Variants in KSR2 observed in about 807,000 individuals in gnomAD.
KSR2 encodes kinase suppressor of ras 2.
A neutral mutation model predicts 107.8 loss-of-function variants in KSR2; 25 were observed. The ratio of observed to expected loss-of-function variants is 0.23; its 90% CI spans 0.17 to 0.32. The LOEUF (loss-of-function observed/expected upper bound fraction) is 0.32, where lower values mean the gene tolerates loss of function less well. KSR2 is among the 10% of genes least tolerant of loss of function. The probability of loss-of-function intolerance (pLI) is 1.00; values close to 1 mark genes in which losing one functional copy is unlikely to be tolerated. For synonymous variants in KSR2, 480 were observed against 507.0 expected (o/e 0.95, Z 0.71); for missense variants, 887 against 1,268.9 (o/e 0.70, Z 4.57).
chr12:117,523,542 G>C lies in KSR2; in HGVS notation c.2219+1310C>G, dbSNP rs1874906720. Reference sequence around the variant, plus strand: ...CTGGGAGAGGCCAGAGAGCAAATCTGAGAAAGTCCAAGAAACATTTTCGCA... The same window carrying C: ...CTGGGAGAGGCCAGAGAGCAAATCTCAGAAAGTCCAAGAAACATTTTCGCA... On this transcript the variant is annotated intron_variant, in intron 14 of 19. Coordinates refer to ENST00000339824, the MANE Select transcript of KSR2 (RefSeq NM_173598.6). 3.3e-5 allele frequency among the ~76,000 whole-genome samples: 5 copies of C among 152,154 alleles called. No homozygotes were observed. The South Asian group carries it at 1.0e-3, about 32-fold the overall frequency.
intron 1 of KSR2, among the ~76,000 whole-genome samples, chr12:117,873,556 G>T (rs562627322): frequency 4.7e-5 from 7 of 148,622 alleles, no homozygotes; most frequent in African/African-American, 1.8e-4. Flanking sequence ...CACCTCCCGG[G>T]TCCAAGCGAT....
chr12:117,877,040 G>T (rs1034762428), intron 1 of KSR2, among the ~76,000 whole-genome samples: 54 of 152,264 alleles, frequency 3.5e-4, no homozygotes, highest in African/African-American at 1.2e-3. Flanking sequence ...AAGTTTTTAT[G>T]TGTGGAATTT....
chr12:117,699,014 G>A (rs78833574), intron 4 of KSR2, among the ~76,000 whole-genome samples: 3,120 of 152,248 alleles, frequency 0.02, 69 homozygotes, highest in African/African-American at 0.051. Flanking sequence ...TCATCTAAAA[G>A]AGCAGCTCTC....
chr12:117,572,072 G>A (rs527387267), intron 7 of KSR2, among the ~76,000 whole-genome samples: 11 of 152,108 alleles, frequency 7.2e-5, no homozygotes, highest in South Asian at 2.1e-4. Flanking sequence ...ACCCATCTCC[G>A]CTCTCCCCCA....
In KSR2 at chr12:117,951,597, A is replaced by AC. The variant is rs1027967769; in HGVS notation, c.180+16478dup. ...AAATTCACCATTCCAACAACTCCAGACCCCCCAGATGGATTAAGAATGGAA... is the reference window on the plus strand; with the variant it reads ...AAATTCACCATTCCAACAACTCCAGACCCCCCCAGATGGATTAAGAATGGAA... On this transcript the variant is annotated intron_variant, in intron 1 of 19. Coordinates refer to ENST00000339824, the MANE Select transcript of KSR2 (RefSeq NM_173598.6). 6.9e-4 allele frequency among the ~76,000 whole-genome samples: 104 copies of AC among 151,802 alleles called. 1 individual carries two copies. Among genetic ancestry groups the AC allele is most frequent in the African/African-American group, 2.4e-3 (99 of 41,366 alleles).
chr12:117,809,655 T>C (rs1035021293), intron 3 of KSR2, among the ~76,000 whole-genome samples: 1 of 152,248 alleles, frequency 6.6e-6, no homozygotes, highest in Non-Finnish European at 1.5e-5. Flanking sequence ...GAAATTATAT[T>C]ATGAATCAGT....
At chr12:117,480,003 C>T (rs1329683579) in intron 16 of KSR2, among the ~76,000 whole-genome samples, 2 of 151,136 alleles carry the variant, frequency 1.3e-5, no homozygotes, top group African/African-American at 4.9e-5. Context: ...CACGCAATTA[C>T]TGGACATAAT....
chr12:117,738,561 A>G (rs1430876050), intron 4 of KSR2, among the ~76,000 whole-genome samples: 1 of 152,192 alleles, frequency 6.6e-6, no homozygotes, highest in Non-Finnish European at 1.5e-5. Flanking sequence ...AAAAAGGTAC[A>G]GTAAAAAAAA....
intron 3 of KSR2, among the ~76,000 whole-genome samples, chr12:117,784,389 G>A (rs1435859754): frequency 1.3e-5 from 2 of 152,148 alleles, no homozygotes; most frequent in African/African-American, 4.8e-5. Flanking sequence ...TTCCTCTTCT[G>A]CCATGATTGT....
At chr12:117,794,061 C>T (rs1462325275) in intron 3 of KSR2, among the ~76,000 whole-genome samples, 19 of 127,580 alleles carry the variant, frequency 1.5e-4, no homozygotes, top group Non-Finnish European at 2.3e-4. Context: ...CTCGTACCAA[C>T]ATGCACACAT....
intron 1 of KSR2, among the ~76,000 whole-genome samples, chr12:117,952,199 A>C (rs1566097166): frequency 1.3e-5 from 2 of 152,020 alleles, no homozygotes; most frequent in Non-Finnish European, 1.5e-5. Context: ...ACATACACAT[A>C]CACACCCACA....
At chr12:117,783,054 G>A (rs1399398246) in intron 3 of KSR2, among the ~76,000 whole-genome samples, 4 of 152,188 alleles carry the variant, frequency 2.6e-5, no homozygotes, top group African/African-American at 9.6e-5. Context: ...CCTACCCTAT[G>A]TCAATTGCTT....
chr12:117,874,383 T>C (rs942912804), intron 1 of KSR2, among the ~76,000 whole-genome samples: 1 of 152,074 alleles, frequency 6.6e-6, no homozygotes, highest in South Asian at 2.1e-4. Context: ...CAAGCGTGTG[T>C]CACCACACCC....
At chr12:117,935,241 C>G (rs1040210271) in intron 1 of KSR2, among the ~76,000 whole-genome samples, 14 of 152,006 alleles carry the variant, frequency 9.2e-5, no homozygotes, top group African/African-American at 3.4e-4. Context: ...CTCGAGCAAT[C>G]CTCCCTCCTC....
intron 1 of KSR2, among the ~76,000 whole-genome samples, chr12:117,906,697 T>C (rs10850935): frequency 0.14 from 21,395 of 152,090 alleles, 1,727 homozygotes; most frequent in East Asian, 0.32. Context: ...TGATTCCTTA[T>C]AGCAGCAGTT....
intron 3 of KSR2, among the ~76,000 whole-genome samples, chr12:117,777,134 C>A (rs60996525): frequency 7.3e-6 from 1 of 136,258 alleles, no homozygotes; most frequent in African/African-American, 2.9e-5. Flanking sequence ...TATATATACA[C>A]TATATTATAT....
chr12:117,720,253 T>C (rs964894616), intron 4 of KSR2, among the ~76,000 whole-genome samples: 1 of 152,190 alleles, frequency 6.6e-6, no homozygotes, highest in Non-Finnish European at 1.5e-5. Flanking sequence ...TTGGGTGTTG[T>C]GAAGACCACA....
intron 7 of KSR2, among the ~76,000 whole-genome samples, chr12:117,578,357 C>A (rs1006902129): frequency 1.1e-4 from 16 of 152,056 alleles, no homozygotes; most frequent in African/African-American, 3.9e-4. Context: ...ACTTTGGGAG[C>A]CTGACGGGGG....
At chr12:117,864,733 T>G (rs1893417016) in intron 1 of KSR2, among the ~76,000 whole-genome samples, 1 of 152,216 alleles carries the variant, frequency 6.6e-6, no homozygotes, top group South Asian at 2.1e-4. Flanking sequence ...AACTTCAATC[T>G]TCACATAGCA....
Sources: allele counts gnomAD v4.1 joint callset (sites outside exome capture counted in the v4.1 genomes callset), GRCh38; gene constraint gnomAD v4.1.1; transcripts MANE v1.5; gene names NCBI Gene and HGNC (gene_info 2026-07-23, HGNC 2026-07-21).